The following INSYN2B variants were observed in gnomAD, a reference collection of about 807,000 sequenced individuals.
INSYN2B encodes inhibitory synaptic factor family member 2B.
Under a neutral mutation model 41.2 loss-of-function variants are expected in INSYN2B, and 16 were observed. That is an observed-to-expected ratio of 0.39 (90% CI 0.26 to 0.59). The LOEUF (loss-of-function observed/expected upper bound fraction) is 0.59. Among genes scored for constraint, INSYN2B ranks in the 20% least tolerant of loss-of-function variants. The probability of loss-of-function intolerance (pLI) is 0.57; values close to 1 mark genes in which losing one functional copy is unlikely to be tolerated. For synonymous variants in INSYN2B, 245 were observed against 244.4 expected, an observed-to-expected ratio of 1.00 and a Z score of -0.02; for missense variants, 608 against 646.4, an observed-to-expected ratio of 0.94 and a Z score of 0.64.
chr5:169,928,261 C>T (rs531957654), intron 1 of INSYN2B, among the ~76,000 whole-genome samples: 3 of 152,328 alleles, frequency 2.0e-5, no homozygotes, highest in South Asian at 2.1e-4. Flanking sequence ...ACAGGTCTTA[C>T]ACCAGATGGC....
intron 1 of INSYN2B, among the ~76,000 whole-genome samples, chr5:169,905,293 GTT>G (rs35677067): frequency 2.0e-3 from 288 of 146,226 alleles, no homozygotes; most frequent in African/African-American, 6.7e-3. Flanking sequence ...TAGAGCCAGT[GTT>G]TTTTTTTTTT....
intron 1 of INSYN2B, among the ~76,000 whole-genome samples, chr5:169,895,320 A>C (rs1773532507): frequency 6.6e-6 from 1 of 151,810 alleles, no homozygotes; most frequent in Non-Finnish European, 1.5e-5. Context: ...TGTTTCTTGC[A>C]AAGGGAAGAG....
intron 1 of INSYN2B, among the ~76,000 whole-genome samples, chr5:169,905,299 T>C (rs868791112): frequency 0.015 from 2,200 of 151,094 alleles, 20 homozygotes; most frequent in Non-Finnish European, 0.024. Flanking sequence ...CAGTGTTTTT[T>C]TTTTTTTTCA....
chr5:169,948,613 ATT>A (rs772095719), intron 1 of INSYN2B, among the ~76,000 whole-genome samples: 32 of 135,820 alleles, frequency 2.4e-4, no homozygotes, highest in Non-Finnish European at 2.3e-4. Flanking sequence ...TCCACAATTA[ATT>A]TTTTTTTTTT....
At position 169,863,147 on chromosome 5, in the gene INSYN2B, G is replaced by T. The variant is rs1307979893; in HGVS notation, c.*1126C>A. On this transcript the variant is annotated 3_prime_UTR_variant, in exon 4 of 4. Transcript: ENST00000377365. ...TAGGTCTTGTCAACAGAATGAGCCAGACCTTGAATAACTCAGACTTTGGGA... is the reference window on the plus strand; with the variant it reads ...TAGGTCTTGTCAACAGAATGAGCCATACCTTGAATAACTCAGACTTTGGGA... Among the ~76,000 whole-genome samples, 1 of 152,174 alleles carries T rather than the reference G, an allele frequency of 6.6e-6. No individual in the cohort carries two copies. Among genetic ancestry groups the T allele is most frequent in the African/African-American group, 2.4e-5 (1 of 41,446 alleles).
In INSYN2B at chr5:169,927,901, A is replaced by C. The variant is rs375262240; in HGVS notation, c.-918-43085T>G. Among the ~76,000 whole-genome samples, 51 of 152,274 alleles carry C rather than the reference A, an allele frequency of 3.3e-4. 1 individual carries two copies. The highest frequency in any genetic ancestry group is 2.1e-3 in the South Asian group (10 of 4,826). ...AAAGTGCTGGGATTACAGGCATGAG[A>C]CACTGCTCCCGGCCCGAAAAATTCT... On this transcript the variant is annotated intron_variant, in intron 1 of 3. Transcript: ENST00000377365.
At chr5:169,946,292 T>A (rs1319978235) in intron 1 of INSYN2B, among the ~76,000 whole-genome samples, 2 of 152,070 alleles carry the variant, frequency 1.3e-5, no homozygotes, top group Non-Finnish European at 2.9e-5. Context: ...CAGCCAGGGG[T>A]ATCCGGAGGC....
chr5:169,870,372 A>T (rs775334717), intron 3 of INSYN2B, among the ~76,000 whole-genome samples: 1 of 152,144 alleles, frequency 6.6e-6, no homozygotes, highest in African/African-American at 2.4e-5. Context: ...GGAAGAAGAA[A>T]CAGTGAGTAA....
At chr5:169,891,450 G>T (rs569125369) in intron 1 of INSYN2B, among the ~76,000 whole-genome samples, 2 of 152,218 alleles carry the variant, frequency 1.3e-5, no homozygotes, top group East Asian at 3.9e-4. Context: ...TTAGATCTTG[G>T]GTAGAATCTT....
rs1054295620 is a variant in INSYN2B, at chr5:169,863,244, G to A, written c.*1029C>T. On this transcript the variant is annotated 3_prime_UTR_variant, in exon 4 of 4. Coordinates refer to ENST00000377365, the MANE Select transcript of INSYN2B (RefSeq NM_001129891.3). ...ATAGTCCTGCTAGTTTTTCAATCAGGTGACCATTGTCTGGTCACCAGGAAG... is the reference window on the plus strand; with the variant it reads ...ATAGTCCTGCTAGTTTTTCAATCAGATGACCATTGTCTGGTCACCAGGAAG... Among the ~76,000 whole-genome samples, 1 of 152,110 alleles carries A rather than the reference G, an allele frequency of 6.6e-6. No homozygotes were observed. Among genetic ancestry groups the A allele is most frequent in the African/African-American group, 2.4e-5 (1 of 41,422 alleles).
chr5:169,964,539 G>A (rs1017702115), intron 1 of INSYN2B, among the ~76,000 whole-genome samples: 1 of 152,224 alleles, frequency 6.6e-6, no homozygotes, highest in South Asian at 2.1e-4. Flanking sequence ...TAGAAACCCA[G>A]CATCTCCGCC....
intron 1 of INSYN2B, among the ~76,000 whole-genome samples, chr5:169,885,666 T>A (rs564543091): frequency 6.6e-6 from 1 of 152,364 alleles, no homozygotes; most frequent in African/African-American, 2.4e-5. Context: ...ACAACTCATA[T>A]TTACTGAGTA....
rs1170073082 is a variant in INSYN2B, at chr5:169,883,523, T to C, written c.376A>G (p.Thr126Ala). 7.1e-6 allele frequency: 11 copies of C among 1,551,646 alleles called. No individual in the cohort carries two copies. Among genetic ancestry groups the C allele is most frequent in the Non-Finnish European group, 9.6e-6 (11 of 1,146,960 alleles). Residue 126 changes from threonine to alanine, a missense_variant, in exon 2 of 4, where the codon ACA becomes GCA. Coordinates refer to ENST00000377365, the MANE Select transcript of INSYN2B (RefSeq NM_001129891.3). ...ACCTGGATGGCACTTTGGGAGGCTG[T>C]TGGCATTTCCACCAGGGACTTACTG... The part of the protein sequence containing the change: ...TASKSLVEMP[T>A]ASQSAIQVNG...
intron 1 of INSYN2B, among the ~76,000 whole-genome samples, chr5:169,931,579 G>T (rs550066624): frequency 6.6e-6 from 1 of 152,328 alleles, no homozygotes; most frequent in South Asian, 2.1e-4. Context: ...TTTCATTTCA[G>T]TTACTTATTC....
chr5:169,896,526 T>G (rs1561804504), intron 1 of INSYN2B, among the ~76,000 whole-genome samples: 33 of 152,314 alleles, frequency 2.2e-4, no homozygotes, highest in Non-Finnish European at 4.4e-5. Flanking sequence ...TAATATTACT[T>G]AAGAAGCTGG....
chr5:169,971,085 T>C (rs1401484203), intron 1 of INSYN2B, among the ~76,000 whole-genome samples: 1 of 151,624 alleles, frequency 6.6e-6, no homozygotes, highest in Non-Finnish European at 1.5e-5. Context: ...TAATGCGGAC[T>C]GCAGAGGATG....
At chr5:169,909,113 C>T (rs1418144211) in intron 1 of INSYN2B, among the ~76,000 whole-genome samples, 3 of 152,188 alleles carry the variant, frequency 2.0e-5, no homozygotes, top group South Asian at 2.1e-4. Flanking sequence ...TGGATGATTT[C>T]ATCACCTTTG....
chr5:169,954,130 A>G (rs908867560), intron 1 of INSYN2B, among the ~76,000 whole-genome samples: 4 of 152,222 alleles, frequency 2.6e-5, no homozygotes, highest in Admixed American at 6.5e-5. Context: ...CACATTTCAC[A>G]TTAATTATTA....
rs182764937 is a variant in INSYN2B at position 169,914,771 on chromosome 5, A to G, written c.-918-29955T>C. On this transcript the variant is annotated intron_variant, in intron 1 of 3. Coordinates refer to ENST00000377365, the MANE Select transcript of INSYN2B (RefSeq NM_001129891.3). ...AGGGTCTTTTAGCCACCTTTGCCTC[A>G]ACCATGCCTTCTCATGCCCAGCCAG... Among the ~76,000 whole-genome samples the G allele has an allele frequency of 2.0e-3, 309 of 152,314 alleles. 2 individuals carry two copies. Among genetic ancestry groups the G allele is most frequent in the Middle Eastern group, 3.4e-3 (1 of 294 alleles).
Sources: gnomAD v4.1 joint callset for allele counts (sites outside exome capture counted in the v4.1 genomes callset) on GRCh38, gnomAD v4.1.1 for gene constraint, MANE v1.5 for transcripts, NCBI Gene and HGNC (gene_info 2026-07-23, HGNC 2026-07-21) for gene names.